RPGRIP1L: variants seen among roughly 807,000 people sequenced by gnomAD.
The protein encoded by RPGRIP1L is protein fantom.
In RPGRIP1L, 131 loss-of-function variants were observed where a neutral mutation model predicts 160.4. That is an observed-to-expected ratio of 0.82 (90% CI 0.71 to 0.94). The LOEUF (loss-of-function observed/expected upper bound fraction) is 0.94, where lower values mean the gene tolerates loss of function less well. Among genes scored for constraint, RPGRIP1L ranks in the 40% least tolerant of loss-of-function variants. RPGRIP1L has a pLI of 0.00. For missense variants in RPGRIP1L, 1,522 were observed against 1,535.8 expected (o/e 0.99, Z 0.15); for synonymous variants, 510 against 515.8 (o/e 0.99, Z 0.15).
chr16:53,634,130 T>A (rs2151019865), intron 22 of RPGRIP1L, among the ~76,000 whole-genome samples: 1 of 152,238 alleles, frequency 6.6e-6, no homozygotes, highest in Middle Eastern at 3.4e-3. Flanking sequence ...TGCTGCATCC[T>A]CTTCAGAGGA....
chr16:53,696,067 G>T, intron 3 of RPGRIP1L, 84 bp downstream of exon 3: 2 of 1,254,570 alleles, frequency 1.6e-6, no homozygotes, highest in Non-Finnish European at 2.3e-6. Flanking sequence ...ATTCAAGGTG[G>T]GGTATTCAAT....
Position 53,672,874 on chromosome 16 carries a change from T to C in RPGRIP1L, c.1025A>G (p.Glu342Gly), listed in dbSNP as rs1968858697. The C allele has an allele frequency of 1.2e-6, 2 of 1,612,472 alleles. No homozygotes were observed. Among genetic ancestry groups the C allele is most frequent in the Middle Eastern group, 1.8e-4 (1 of 5,606 alleles). ...CTAAACTCTTTGGGAGCTTACCTCTTCTATTCTTCTTTCAGAAAACTTCAT... is the reference window on the plus strand; with the variant it reads ...CTAAACTCTTTGGGAGCTTACCTCTCCTATTCTTCTTTCAGAAAACTTCAT... ...HSMKFSERRIEELQDRINDLE... is the reference protein window; with the variant it reads ...HSMKFSERRIGELQDRINDLE... The change falls in exon 8 of 27, where the codon GAA becomes GGA. Residue 342 changes from glutamate to glycine, a missense_variant. Coordinates refer to ENST00000647211, the MANE Select transcript of RPGRIP1L (RefSeq NM_015272.5).
chr16:53,666,149 AG>A (rs1191920143), intron 9 of RPGRIP1L, among the ~76,000 whole-genome samples: 3 of 152,200 alleles, frequency 2.0e-5, no homozygotes. Flanking sequence ...ACTAGTCTTC[AG>A]TTTTTATCCC....
At chr16:53,636,374 A>C in intron 22 of RPGRIP1L, 65 bp downstream of exon 22, 1 of 1,060,298 alleles carries the variant, frequency 9.4e-7, no homozygotes, top group Non-Finnish European at 1.5e-6. Flanking sequence ...TGAAGACTAC[A>C]TATGTACTGT....
At chr16:53,656,656 T>C (rs1334767610) in intron 13 of RPGRIP1L, 67 bp from the exon 14 acceptor site, 2 of 1,153,318 alleles carry the variant, frequency 1.7e-6, no homozygotes, top group Non-Finnish European at 2.6e-6. Flanking sequence ...TCAAAGCAAC[T>C]ATGATTCAAG....
intron 25 of RPGRIP1L, among the ~76,000 whole-genome samples, chr16:53,610,125 G>A (rs1322269010): frequency 1.3e-5 from 2 of 151,986 alleles, no homozygotes; most frequent in Non-Finnish European, 2.9e-5. Context: ...GCCAGCAAGG[G>A]GCACTGGAGA....
At position 53,636,458 on chromosome 16, in the gene RPGRIP1L, A is replaced by C. The variant is rs755086675; in HGVS notation, c.3275T>G (p.Ile1092Ser). Residue 1092 changes from isoleucine to serine, a missense_variant, in exon 22 of 27, where the codon ATC (isoleucine) becomes AGC (serine). Physicochemically the swap from Ile to Ser is moderately radical, Grantham distance 142. Transcript: ENST00000647211. ...DSDDCIIPGP[I>S]SKNIKQSLAL... ...ACTGACCTGTTTGATATTCTTGGAG[A>C]TAGGACCTGGAATAATACAGTCATC... 2 of 1,611,826 alleles carry C rather than the reference A, an allele frequency of 1.2e-6. No individual in the cohort carries two copies. The highest frequency in any genetic ancestry group is 1.3e-5 in the African/African-American group (1 of 74,978).
At chr16:53,686,393 A>T in intron 6 of RPGRIP1L, 40 bp downstream of exon 6, 1 of 1,597,784 alleles carries the variant, frequency 6.3e-7, no homozygotes, top group Non-Finnish European at 8.6e-7. Context: ...TTTTAAACTA[A>T]TTTTGACCTT....
chr16:53,619,332 T>G, intron 23 of RPGRIP1L, 124 bp from the exon 24 acceptor site: 1 of 786,556 alleles, frequency 1.3e-6, no homozygotes, highest in Non-Finnish European at 2.1e-6. Flanking sequence ...TTTTCTTGAA[T>G]GCAATGTACA....
chr16:53,655,881 T>C (rs577455445), intron 14 of RPGRIP1L, among the ~76,000 whole-genome samples: 3 of 152,178 alleles, frequency 2.0e-5, no homozygotes, highest in East Asian at 3.9e-4. Flanking sequence ...AGGTGAGTAT[T>C]ATGTTAGGTT....
Position 53,637,774 on chromosome 16 carries a change from T to A in RPGRIP1L, c.3141A>T (p.Leu1047=), listed in dbSNP as rs1313737236. 1 of 1,613,158 alleles carries A rather than the reference T, an allele frequency of 6.2e-7. No individual in the cohort carries two copies. Among genetic ancestry groups the A allele is most frequent in the Non-Finnish European group, 8.5e-7 (1 of 1,179,710 alleles). Residue 1047 remains leucine (L), a synonymous_variant, in exon 21 of 27, where the codon CTA becomes CTT. Coordinates refer to ENST00000647211, the MANE Select transcript of RPGRIP1L (RefSeq NM_015272.5). ...MQQGKDDVSL[L]SEGQLAEQSL... ...TTTGTTCTGCAAGCTGACCTTCAGA[T>A]AGTAAAGACACATCATCTTTTCCTT... is the stretch of plus-strand genomic sequence containing the variant.
rs563031597 is a variant in RPGRIP1L, at chr16:53,677,406, A to G, written c.777-2284T>C. Among the ~76,000 whole-genome samples the G allele has an allele frequency of 2.6e-5, 4 of 152,308 alleles. No homozygotes were observed. In the East Asian group the frequency reaches 5.8e-4, roughly 22 times the overall value. ...AAGTCTTTAATAATTACTTTTACGT[A>G]TCAGTTTTAGGGACTTTATTATTAT... On this transcript the variant is annotated intron_variant, in intron 6 of 26. Coordinates refer to ENST00000647211, the MANE Select transcript of RPGRIP1L (RefSeq NM_015272.5).
rs778533826 is a variant in RPGRIP1L at position 53,619,112 on chromosome 16, G to A, written c.3529C>T (p.Arg1177Ter). 8 of 1,613,926 alleles carry A rather than the reference G, an allele frequency of 5.0e-6. No homozygotes were observed. The highest frequency in any genetic ancestry group is 1.1e-5 in the South Asian group (1 of 91,068). The part of the protein sequence containing the change: ...DTIQRLFVEC[R>*]FYSLPAEETP... ...TCTTCAGCAGGAAGACTGTAGAATC[G>A]ACACTCAACAAACAGCCGTTGGATA... The change falls in exon 24 of 27, where the codon CGA (arginine) becomes TGA (stop). Residue 1177 changes from arginine (R) to a stop codon, truncating the protein, a stop_gained. Coordinates refer to ENST00000647211, the MANE Select transcript of RPGRIP1L (RefSeq NM_015272.5). LOFTEE classifies it high-confidence loss of function.
intron 19 of RPGRIP1L, among the ~76,000 whole-genome samples, chr16:53,640,234 A>C (rs1013894615): frequency 6.6e-6 from 1 of 152,182 alleles, no homozygotes; most frequent in Admixed American, 6.5e-5. Flanking sequence ...AAAGAGGCAA[A>C]AATTTTGGAA....
intron 15 of RPGRIP1L, among the ~76,000 whole-genome samples, chr16:53,652,283 G>T (rs1272586515): frequency 6.6e-6 from 1 of 152,094 alleles, no homozygotes; most frequent in Non-Finnish European, 1.5e-5. Context: ...GTATTTGTCA[G>T]GCTGGTCTTG....
chr16:53,689,164 T>C (rs1392978628), intron 4 of RPGRIP1L, among the ~76,000 whole-genome samples: 3 of 151,838 alleles, frequency 2.0e-5, no homozygotes, highest in East Asian at 3.9e-4. Flanking sequence ...ATGTGGTATT[T>C]TGATGCATGC....
chr16:53,625,397 C>T (rs921729959), intron 22 of RPGRIP1L, among the ~76,000 whole-genome samples: 6 of 148,962 alleles, frequency 4.0e-5, no homozygotes, highest in South Asian at 4.3e-4. Flanking sequence ...CTGGGGGGGG[C>T]GCCTCAGCCT....
chr16:53,661,410 T>C (rs904094736), intron 10 of RPGRIP1L, among the ~76,000 whole-genome samples: 1 of 152,178 alleles, frequency 6.6e-6, no homozygotes, highest in Non-Finnish European at 1.5e-5. Context: ...TATGGATTTA[T>C]ATGAGATAAA....
At chr16:53,671,630 C>A in intron 8 of RPGRIP1L, 47 bp from the exon 9 acceptor site, 2 of 957,002 alleles carry the variant, frequency 2.1e-6, no homozygotes, top group South Asian at 1.6e-5. Flanking sequence ...TATATAAAAC[C>A]ACTTGGGGGT....
Sources: allele counts gnomAD v4.1 joint callset (sites outside exome capture counted in the v4.1 genomes callset), GRCh38; gene constraint gnomAD v4.1.1; transcripts MANE v1.5; gene names NCBI Gene and HGNC (gene_info 2026-07-23, HGNC 2026-07-21).